The following CRPPA variants were observed in gnomAD, a reference collection of about 807,000 sequenced individuals.
The protein encoded by CRPPA is CDP-L-ribitol pyrophosphorylase A.
CRPPA carries 43 observed loss-of-function variants against 52.0 expected under a neutral mutation model. The observed-to-expected ratio is 0.83, with a 90% confidence interval of 0.65 to 1.07. The LOEUF is 1.07. CRPPA is among the 50% of genes least tolerant of loss of function. The pLI is 0.00. For synonymous variants in CRPPA, 250 were observed against 203.5 expected (o/e 1.23, Z -1.94); for missense variants, 629 against 551.7 (o/e 1.14, Z -1.40).
chr7:16,385,960 G>A (rs906229317), intron 2 of CRPPA, among the ~76,000 whole-genome samples: 3 of 152,178 alleles, frequency 2.0e-5, no homozygotes, highest in Non-Finnish European at 2.9e-5. Context: ...AAGCCCCAGT[G>A]GGCATGCATG....
chr7:16,301,515 T>C, intron 4 of CRPPA, 49 bp from the exon 5 acceptor site: 1 of 1,408,690 alleles, frequency 7.1e-7, no homozygotes, highest in Non-Finnish European at 1.0e-6. Flanking sequence ...GGAAGGAATG[T>C]GCAAGCAATA....
chr7:16,213,274 G>A (rs1488548320), intron 9 of CRPPA, among the ~76,000 whole-genome samples: 2 of 152,102 alleles, frequency 1.3e-5, no homozygotes, highest in East Asian at 3.9e-4. Context: ...GCACAGCAAA[G>A]TTTGCTTAAT....
chr7:16,308,583 C>G lies in CRPPA; in HGVS notation c.729G>C (p.Leu243Phe), dbSNP rs1784965639. ...DLEFGTECLQ[L>F]ALKYCCTKAK... The stretch of plus-strand genomic sequence containing the variant: ...CTTTAGTGCAACAGTATTTTAGGGC[C>G]AATTGCAAACACTCAGTTCCAAATT... The change falls in exon 4 of 10, where the codon TTG becomes TTC. Residue 243 changes from leucine (L) to phenylalanine (F), a missense_variant. By Grantham distance (22) the Leu-to-Phe change is conservative (BLOSUM62 0). Coordinates refer to ENST00000407010, the MANE Select transcript of CRPPA (RefSeq NM_001101426.4). 1 of 1,611,016 alleles carries G rather than the reference C, an allele frequency of 6.2e-7. No homozygotes were observed. Among genetic ancestry groups the G allele is most frequent in the Admixed American group, 1.7e-5 (1 of 59,768 alleles).
At chr7:16,353,511 G>A (rs368384195) in intron 3 of CRPPA, among the ~76,000 whole-genome samples, 30 of 152,222 alleles carry the variant, frequency 2.0e-4, no homozygotes, top group African/African-American at 7.0e-4. Flanking sequence ...GCATGATGAC[G>A]ATGGTTAATA....
intron 2 of CRPPA, among the ~76,000 whole-genome samples, chr7:16,387,643 G>T (rs1787323777): frequency 6.6e-6 from 1 of 152,006 alleles, no homozygotes; most frequent in Non-Finnish European, 1.5e-5. Flanking sequence ...TTTAAAAGAT[G>T]TCCAAAATAC....
chr7:16,159,945 T>C (rs1234586811), intron 9 of CRPPA, among the ~76,000 whole-genome samples: 1 of 152,236 alleles, frequency 6.6e-6, no homozygotes, highest in Non-Finnish European at 1.5e-5. Context: ...CCAGTGATGA[T>C]GAGCACGTTT....
At chr7:16,387,852 A>G (rs1310530504) in intron 2 of CRPPA, among the ~76,000 whole-genome samples, 2 of 152,248 alleles carry the variant, frequency 1.3e-5, no homozygotes, top group Non-Finnish European at 2.9e-5. Flanking sequence ...TTTGAAGTGC[A>G]CATAGAACAT....
intron 8 of CRPPA, among the ~76,000 whole-genome samples, chr7:16,242,155 C>T (rs994014685): frequency 6.6e-6 from 1 of 151,622 alleles, no homozygotes; most frequent in African/African-American, 2.4e-5. Context: ...GGGATTTTAC[C>T]ATGTTAGCCA....
chr7:16,090,937 C>T lies in CRPPA; in HGVS notation c.*758G>A, dbSNP rs1347502917. Reference sequence around the variant, plus strand: ...AACTCTATGATGTACAATAGATTCTCTACCTTATAGAAGATAACTAACCAG... The same window carrying T: ...AACTCTATGATGTACAATAGATTCTTTACCTTATAGAAGATAACTAACCAG... On this transcript the variant is annotated 3_prime_UTR_variant, in exon 10 of 10. Coordinates refer to ENST00000407010, the MANE Select transcript of CRPPA (RefSeq NM_001101426.4). 6.6e-6 allele frequency: 1 copy of T among 152,168 alleles called. No homozygotes were observed. The highest frequency in any genetic ancestry group is 2.4e-5 in the African/African-American group (1 of 41,424). The allele number at this position is 152,168 out of a possible 1,614,324, so 9.4% of individuals were successfully genotyped here. A position where few individuals can be genotyped will look rare whatever the true frequency, so the allele number is the denominator to read the frequency against.
chr7:16,275,680 A>G (rs1295639805), intron 6 of CRPPA, among the ~76,000 whole-genome samples: 1 of 152,134 alleles, frequency 6.6e-6, no homozygotes, highest in Non-Finnish European at 1.5e-5. Flanking sequence ...AGGAAAAAAA[A>G]AATTAGCTGG....
chr7:16,189,532 C>A (rs1439114367), intron 9 of CRPPA, among the ~76,000 whole-genome samples: 2 of 152,152 alleles, frequency 1.3e-5, no homozygotes, highest in Non-Finnish European at 2.9e-5. Context: ...TGAGGAAAAT[C>A]TGAATCAGGA....
At chr7:16,290,693 T>C (rs1427690708) in intron 5 of CRPPA, among the ~76,000 whole-genome samples, 3 of 151,976 alleles carry the variant, frequency 2.0e-5, no homozygotes, top group African/African-American at 7.2e-5. Flanking sequence ...TGAAAATAAC[T>C]GGAAGAAAGC....
intron 8 of CRPPA, among the ~76,000 whole-genome samples, chr7:16,247,319 C>T (rs1783303089): frequency 6.6e-6 from 1 of 152,178 alleles, no homozygotes; most frequent in Admixed American, 6.5e-5. Context: ...AGGACTCTTC[C>T]TTTCACTTGA....
chr7:16,124,476 C>A (rs1344855994), intron 9 of CRPPA, among the ~76,000 whole-genome samples: 3 of 152,002 alleles, frequency 2.0e-5, no homozygotes, highest in African/African-American at 7.3e-5. Flanking sequence ...ATAAGTCAGG[C>A]ATAAAGAGAT....
chr7:16,344,635 C>T (rs1785960337), intron 3 of CRPPA, among the ~76,000 whole-genome samples: 1 of 151,688 alleles, frequency 6.6e-6, no homozygotes, highest in Non-Finnish European at 1.5e-5. Flanking sequence ...GTTGCCTTAT[C>T]AACTAGAAGA....
At chr7:16,193,545 A>C (rs1422849669) in intron 9 of CRPPA, among the ~76,000 whole-genome samples, 1 of 152,126 alleles carries the variant, frequency 6.6e-6, no homozygotes, top group Non-Finnish European at 1.5e-5. Context: ...TAGTTTAAAA[A>C]ATATAAATAT....
intron 3 of CRPPA, among the ~76,000 whole-genome samples, chr7:16,370,473 C>A (rs1374581044): frequency 6.6e-6 from 1 of 152,098 alleles, no homozygotes; most frequent in African/African-American, 2.4e-5. Context: ...CAGCACCAGT[C>A]CAGAGTCTGG....
chr7:16,126,823 G>A (rs1393030369), intron 9 of CRPPA, among the ~76,000 whole-genome samples: 2 of 152,096 alleles, frequency 1.3e-5, no homozygotes. Flanking sequence ...CTTACATGAT[G>A]TGCTTATGAA....
At chr7:16,184,087 G>A (rs1006529548) in intron 9 of CRPPA, among the ~76,000 whole-genome samples, 7 of 151,836 alleles carry the variant, frequency 4.6e-5, no homozygotes, top group Admixed American at 6.6e-5. Flanking sequence ...GACTACAGGC[G>A]CACACCACCA....
Sources: gnomAD v4.1 joint callset for allele counts (sites outside exome capture counted in the v4.1 genomes callset) on GRCh38, gnomAD v4.1.1 for gene constraint, MANE v1.5 for transcripts, NCBI Gene and HGNC (gene_info 2026-07-23, HGNC 2026-07-21) for gene names.